Variants in PCSK6 observed in about 807,000 individuals in gnomAD.
PCSK6 encodes paired basic amino acid cleaving enzyme 4.
A neutral mutation model predicts 123.3 loss-of-function variants in PCSK6; 85 were observed. The observed-to-expected ratio is 0.69, with a 90% CI of 0.58 to 0.83. The LOEUF is 0.83. Among genes scored for constraint, PCSK6 ranks in the 40% least tolerant of loss-of-function variants. The probability of loss-of-function intolerance (pLI) is 0.00; values close to 1 mark genes in which losing one functional copy is unlikely to be tolerated. For missense variants in PCSK6, 1,191 were observed against 1,282.3 expected, an observed-to-expected ratio of 0.93 and a Z score of 1.09; for synonymous variants, 508 against 516.0, an observed-to-expected ratio of 0.98 and a Z score of 0.21.
At chr15:101,487,883 C>A (rs7166590) in intron 1 of PCSK6, among the ~76,000 whole-genome samples, 35,679 of 151,950 alleles carry the variant, frequency 0.23, 4,383 homozygotes, top group African/African-American at 0.3. Context: ...GTTAAAAAAA[C>A]TAAATATCTA....
intron 1 of PCSK6, 30 bp from the exon 2 acceptor site, chr15:101,443,690 T>C (rs114249302): frequency 6.6e-7 from 1 of 1,519,234 alleles, no homozygotes; most frequent in South Asian, 1.1e-5. Context: ...ATGCCATCAA[T>C]TAATAGTCTC....
intron 1 of PCSK6, among the ~76,000 whole-genome samples, chr15:101,455,698 C>G (rs1056128781): frequency 1.1e-4 from 17 of 152,208 alleles, no homozygotes; most frequent in African/African-American, 4.1e-4. Flanking sequence ...AATGCCCCAA[C>G]TCAATCACAC....
At chr15:101,318,759 T>C (rs947281332) in intron 18 of PCSK6, among the ~76,000 whole-genome samples, 2 of 152,232 alleles carry the variant, frequency 1.3e-5, no homozygotes, top group African/African-American at 4.8e-5. Flanking sequence ...TCATCACTGG[T>C]GGCACGCTAG....
chr15:101,326,298 C>A (rs183361078), intron 16 of PCSK6, 79 bp downstream of exon 16: 5 of 1,051,638 alleles, frequency 4.8e-6, no homozygotes, highest in African/African-American at 3.1e-5. Flanking sequence ...CTAACTGGGG[C>A]ATCAGGACAT....
chr15:101,341,060 C>A (rs572203363), intron 13 of PCSK6, among the ~76,000 whole-genome samples: 1 of 150,950 alleles, frequency 6.6e-6, no homozygotes, highest in Non-Finnish European at 1.5e-5. Flanking sequence ...CTCAGCCTCC[C>A]GAGTAGCTGG....
chr15:101,443,109 C>T (rs1455902842), intron 2 of PCSK6, among the ~76,000 whole-genome samples: 2 of 152,164 alleles, frequency 1.3e-5, no homozygotes, highest in Non-Finnish European at 2.9e-5. Flanking sequence ...AAATGTTAGC[C>T]TCCTTTCAAA....
chr15:101,431,383 G>A lies in PCSK6; in HGVS notation c.594C>T (p.Asn198=), dbSNP rs770903586. The A allele has an allele frequency of 2.6e-5, 42 of 1,613,828 alleles. No homozygotes were observed. The highest frequency in any genetic ancestry group is 1.2e-4 in the African/African-American group (9 of 74,906). ...CATCATCAAGGATGGTGACCACCAC[G>A]TTTTTTCCTGTGTAGCCCCTCTTCC... is the stretch of plus-strand genomic sequence containing the variant. ...AAWKRGYTGK[N]VVVTILDDGI... is the part of the protein sequence containing the mutation. Residue 198 remains asparagine, a synonymous_variant, in exon 4 of 22, where the codon AAC becomes AAT. Coordinates refer to ENST00000611716, the MANE Select transcript of PCSK6 (RefSeq NM_002570.5).
chr15:101,427,858 C>A, intron 6 of PCSK6, 34 bp downstream of exon 6: 1 of 1,506,996 alleles, frequency 6.6e-7, no homozygotes, highest in Non-Finnish European at 9.0e-7. Context: ...TGCCCCAGGC[C>A]CCTCGGCTCG....
intron 13 of PCSK6, chr15:101,365,174 A>G (rs2041351183): frequency 4.0e-6 from 2 of 502,136 alleles, no homozygotes; most frequent in African/African-American, 3.7e-5. Flanking sequence ...TACATGTAAG[A>G]GCTATAACAC....
intron 13 of PCSK6, among the ~76,000 whole-genome samples, chr15:101,361,116 T>A (rs549760527): frequency 6.6e-6 from 1 of 152,104 alleles, no homozygotes; most frequent in Non-Finnish European, 1.5e-5. Context: ...ATGTTTTATT[T>A]AAGACTTCCG....
chr15:101,327,479 C>T (rs1310149146), intron 15 of PCSK6, among the ~76,000 whole-genome samples: 1 of 152,198 alleles, frequency 6.6e-6, no homozygotes, highest in African/African-American at 2.4e-5. Context: ...TGGGAAACGG[C>T]CCAGGGGACC....
At chr15:101,412,996 G>C (rs1342148521) in intron 6 of PCSK6, among the ~76,000 whole-genome samples, 2 of 126,664 alleles carry the variant, frequency 1.6e-5, no homozygotes, top group Non-Finnish European at 3.2e-5. Flanking sequence ...TCTAATAATG[G>C]AGGAGGAGTG....
intron 2 of PCSK6, among the ~76,000 whole-genome samples, chr15:101,442,089 T>A (rs2056768779): frequency 6.6e-6 from 1 of 152,194 alleles, no homozygotes; most frequent in African/African-American, 2.4e-5. Context: ...GCTTTTTTCC[T>A]AGAGGATTAA....
At chr15:101,457,353 T>TA (rs2057212982) in intron 1 of PCSK6, among the ~76,000 whole-genome samples, 1 of 152,172 alleles carries the variant, frequency 6.6e-6, no homozygotes, top group South Asian at 2.1e-4. Context: ...GCATTGGGAT[T>TA]AGCAGCATTT....
At chr15:101,415,316 A>T (rs1477275776) in intron 6 of PCSK6, among the ~76,000 whole-genome samples, 1 of 152,240 alleles carries the variant, frequency 6.6e-6, no homozygotes, top group Non-Finnish European at 1.5e-5. Flanking sequence ...CAGGTCTGTG[A>T]AGGCCACCCG....
At chr15:101,400,002 CAAT>C (rs2042539169) in intron 6 of PCSK6, among the ~76,000 whole-genome samples, 1 of 152,044 alleles carries the variant, frequency 6.6e-6, no homozygotes, top group South Asian at 2.1e-4. Context: ...GAGAAATAAC[CAAT>C]AATATTTTGG....
At chr15:101,361,782 C>T (rs2141439290) in intron 13 of PCSK6, among the ~76,000 whole-genome samples, 1 of 151,984 alleles carries the variant, frequency 6.6e-6, no homozygotes, top group South Asian at 2.1e-4. Flanking sequence ...TGGCTCTAGC[C>T]AGTAGGGGTT....
chr15:101,458,538 T>C (rs1382266498), intron 1 of PCSK6, among the ~76,000 whole-genome samples: 2 of 152,128 alleles, frequency 1.3e-5, no homozygotes, highest in Non-Finnish European at 2.9e-5. Context: ...TTGCTCACCA[T>C]TTACAGACCA....
intron 17 of PCSK6, among the ~76,000 whole-genome samples, chr15:101,323,696 G>C (rs1426599474): frequency 1.4e-5 from 2 of 146,618 alleles, no homozygotes; most frequent in Non-Finnish European, 1.5e-5. Flanking sequence ...TCATGCCACT[G>C]CACTCCAGCC....
Sources: gnomAD v4.1 joint callset for allele counts (sites outside exome capture counted in the v4.1 genomes callset) on GRCh38, gnomAD v4.1.1 for gene constraint, MANE v1.5 for transcripts, NCBI Gene and HGNC (gene_info 2026-07-23, HGNC 2026-07-21) for gene names.